The following TBC1D19 variants were observed in gnomAD, a reference collection of about 807,000 sequenced individuals.
The protein encoded by TBC1D19 is TBC1 domain family member 19, also known as TBC1 domain family, member 19.
TBC1D19 carries 60 observed loss-of-function variants against 89.0 expected under a neutral mutation model. The observed-to-expected ratio is 0.67, with a 90% confidence interval of 0.55 to 0.84. TBC1D19 has a LOEUF of 0.84. Among genes scored for constraint, TBC1D19 ranks in the 40% least tolerant of loss-of-function variants. The pLI, the probability that TBC1D19 is intolerant of heterozygous loss-of-function variation, is 0.00. For missense variants in TBC1D19, 500 were observed against 610.8 expected (o/e 0.82, Z 1.91); for synonymous variants, 189 against 199.7 (o/e 0.95, Z 0.45).
chr4:26,701,426 A>T (rs751353843), intron 13 of TBC1D19, among the ~76,000 whole-genome samples: 1 of 152,142 alleles, frequency 6.6e-6, no homozygotes, highest in African/African-American at 2.4e-5. Context: ...TGATTATTTT[A>T]TAATTGTCTC....
intron 13 of TBC1D19, among the ~76,000 whole-genome samples, chr4:26,689,085 T>G (rs954271796): frequency 6.6e-6 from 1 of 152,082 alleles, no homozygotes; most frequent in Non-Finnish European, 1.5e-5. Flanking sequence ...AGCAGGTTTT[T>G]GTTTGAAAAT....
At chr4:26,734,941 T>TATACACAC (rs1717887785) in intron 15 of TBC1D19, among the ~76,000 whole-genome samples, 3 of 59,280 alleles carry the variant, frequency 5.1e-5, no homozygotes, top group African/African-American at 9.0e-5. Flanking sequence ...TGTGTGTATA[T>TATACACAC]ATGTATACAC....
the TBC1D19 span, among the ~76,000 whole-genome samples, chr4:26,794,511 G>A: frequency 1.3e-5 from 2 of 151,862 alleles, no homozygotes; most frequent in African/African-American, 4.8e-5. Context: ...GTCATAAATC[G>A]ATACAAAGTG....
At chr4:26,753,709 T>C in intron 19 of TBC1D19, 111 bp from the exon 20 acceptor site, 1 of 1,110,956 alleles carries the variant, frequency 9.0e-7, no homozygotes, top group East Asian at 2.4e-5. Context: ...GTCCGTTGTG[T>C]AAAGCACTAG....
At chr4:26,682,160 A>T (rs1713401482) in intron 11 of TBC1D19, among the ~76,000 whole-genome samples, 2 of 151,972 alleles carry the variant, frequency 1.3e-5, no homozygotes, top group African/African-American at 4.9e-5. Flanking sequence ...TACTCTACTT[A>T]TGACAACTGG....
the TBC1D19 span, among the ~76,000 whole-genome samples, chr4:26,786,289 G>C: frequency 3.3e-5 from 5 of 152,168 alleles, no homozygotes; most frequent in Non-Finnish European, 5.9e-5. Context: ...TGCTGGGCTA[G>C]GCTTTGTGAG....
chr4:26,835,654 C>T, the TBC1D19 span, among the ~76,000 whole-genome samples: 1 of 152,164 alleles, frequency 6.6e-6, no homozygotes, highest in Admixed American at 6.5e-5. Flanking sequence ...ATAACCTAGT[C>T]TCAGCCACTA....
At chr4:26,651,864 C>G (rs1036365443) in intron 7 of TBC1D19, among the ~76,000 whole-genome samples, 21 of 152,026 alleles carry the variant, frequency 1.4e-4, no homozygotes, top group African/African-American at 5.1e-4. Context: ...ATAGATAGCT[C>G]TTATTATTTT....
At chr4:26,717,144 C>G (rs1427314755) in intron 13 of TBC1D19, among the ~76,000 whole-genome samples, 2 of 152,000 alleles carry the variant, frequency 1.3e-5, no homozygotes, top group Non-Finnish European at 2.9e-5. Flanking sequence ...TTTTCCTCTC[C>G]CTTCACTCTT....
chr4:26,671,795 G>A (rs959366373), intron 9 of TBC1D19, among the ~76,000 whole-genome samples: 7 of 151,786 alleles, frequency 4.6e-5, no homozygotes, highest in African/African-American at 1.2e-4. Flanking sequence ...TTTGTATTAT[G>A]AGAAGATGTT....
At chr4:26,591,115 G>A (rs1447325928) in intron 1 of TBC1D19, among the ~76,000 whole-genome samples, 2 of 150,990 alleles carry the variant, frequency 1.3e-5, no homozygotes, top group Non-Finnish European at 3.0e-5. Context: ...CTATAGTTTT[G>A]CTTTTAAGAA....
intron 7 of TBC1D19, among the ~76,000 whole-genome samples, chr4:26,652,082 A>G (rs1744431563): frequency 6.6e-6 from 1 of 152,020 alleles, no homozygotes; most frequent in Admixed American, 6.6e-5. Context: ...CATGGTGGAT[A>G]AGCTTTTTGA....
At chr4:26,764,808 A>C in the TBC1D19 span, among the ~76,000 whole-genome samples, 1 of 152,180 alleles carries the variant, frequency 6.6e-6, no homozygotes, top group Admixed American at 6.5e-5. Context: ...AAAAAAGTAA[A>C]AGTGCTTCTG....
At chr4:26,651,246 T>C (rs1246322153) in intron 7 of TBC1D19, among the ~76,000 whole-genome samples, 1 of 152,254 alleles carries the variant, frequency 6.6e-6, no homozygotes, top group Admixed American at 6.5e-5. Flanking sequence ...TTTCCAATTC[T>C]GTGAAGAAAG....
chr4:26,740,066 G>A (rs1465560677), intron 17 of TBC1D19, 93 bp downstream of exon 17: 13 of 724,676 alleles, frequency 1.8e-5, no homozygotes, highest in Admixed American at 1.3e-4. Context: ...AAATTCTAAC[G>A]CAACAAATTT....
the TBC1D19 span, among the ~76,000 whole-genome samples, chr4:26,818,754 T>C: frequency 6.6e-6 from 1 of 152,312 alleles, no homozygotes; most frequent in East Asian, 1.9e-4. Context: ...TCTGGGACTT[T>C]CCTGATTTTA....
At chr4:26,782,009 A>G in the TBC1D19 span, among the ~76,000 whole-genome samples, 1 of 152,222 alleles carries the variant, frequency 6.6e-6, no homozygotes, top group Non-Finnish European at 1.5e-5. Context: ...AAGCACACAT[A>G]TCCTACTGCC....
rs1395490721 is a variant in TBC1D19 at position 26,668,165 on chromosome 4, AT to A, written c.664+1761del. On this transcript the variant is annotated intron_variant, in intron 9 of 20. Coordinates refer to ENST00000264866, the MANE Select transcript of TBC1D19 (RefSeq NM_018317.4). Reference sequence around the variant, plus strand: ...TTCTTATTTTATAAGAAGATATAAAATATCTTATAAAATAAAATATCTTATA... The same window carrying A: ...TTCTTATTTTATAAGAAGATATAAAAATCTTATAAAATAAAATATCTTATA... Among the ~76,000 whole-genome samples the A allele has an allele frequency of 3.3e-5, 5 of 152,014 alleles. No individual in the cohort carries two copies. The East Asian group carries it at 9.6e-4, about 29-fold the overall frequency.
the TBC1D19 span, among the ~76,000 whole-genome samples, chr4:26,789,803 A>G: frequency 1.3e-5 from 2 of 152,206 alleles, no homozygotes; most frequent in Non-Finnish European, 2.9e-5. Flanking sequence ...TCATCAATGG[A>G]TGGCTGGACA....
Sources: gnomAD v4.1 joint callset for allele counts (sites outside exome capture counted in the v4.1 genomes callset) on GRCh38, gnomAD v4.1.1 for gene constraint, MANE v1.5 for transcripts, NCBI Gene and HGNC (gene_info 2026-07-23, HGNC 2026-07-21) for gene names.